Variants in LGI3 observed in about 807,000 individuals in gnomAD.
LGI3 encodes the protein leucine rich repeat LGI family member 3.
LGI3 carries 47 observed loss-of-function variants against 55.4 expected under a neutral mutation model. The ratio of observed to expected loss-of-function variants is 0.85; its 90% CI spans 0.67 to 1.08. The LOEUF (loss-of-function observed/expected upper bound fraction) is 1.08, where lower values mean the gene tolerates loss of function less well. Among genes scored for constraint, LGI3 ranks in the 50% least tolerant of loss-of-function variants. The pLI, the probability that LGI3 is intolerant of heterozygous loss-of-function variation, is 0.00. For missense variants in LGI3, 664 were observed against 726.3 expected, an observed-to-expected ratio of 0.91 and a Z score of 0.99; for synonymous variants, 326 against 315.0, an observed-to-expected ratio of 1.04 and a Z score of -0.37.
Position 22,148,015 on chromosome 8 carries a change from C to A in LGI3, c.*145G>T, listed in dbSNP as rs1262611860. The A allele has an allele frequency of 4.3e-6, 3 of 704,900 alleles. No homozygotes were observed. 43.7% of individuals were successfully genotyped at this position (704,900 alleles called of 1,614,324 possible). On this transcript the variant is annotated 3_prime_UTR_variant, in exon 8 of 8. Transcript: ENST00000306317. This position sits in a 1 kb window ranked among gnomAD's most constrained non-coding sequence, Gnocchi z 7.0. ...TCCTCCTGGGCCAGTCCACGGGGTG[C>A]GCCTGTACACACTGGGCGTGTGCGG...
chr8:22,151,707 T>C, intron 6 of LGI3, 54 bp from the exon 7 acceptor site: 1 of 1,593,864 alleles, frequency 6.3e-7, no homozygotes, highest in Non-Finnish European at 8.6e-7. Flanking sequence ...GAAGGGCTGC[T>C]TGGGTGATGG....
At chr8:22,149,035 A>C (rs1184358678) in intron 7 of LGI3, 58 bp from the exon 8 acceptor site, 16 of 1,307,350 alleles carry the variant, frequency 1.2e-5, no homozygotes, top group Non-Finnish European at 1.7e-5. Flanking sequence ...ACTCCATCCA[A>C]CCCCCTTGGA....
At chr8:22,155,914 C>T (rs1013657175) in intron 1 of LGI3, among the ~76,000 whole-genome samples, 1 of 152,240 alleles carries the variant, frequency 6.6e-6, no homozygotes, top group Non-Finnish European at 1.5e-5. Context: ...TGCCAAGTGG[C>T]TGGTCAGTGG....
At position 22,154,975 on chromosome 8, in the gene LGI3, C is replaced by T. The variant is rs533219081; in HGVS notation, c.279-344G>A. On this transcript the variant is annotated intron_variant, in intron 2 of 7. Transcript: ENST00000306317. Reference sequence around the variant, plus strand: ...ATGGACAACTGTCCCTCATGGACGGCATCTTGTAGGGTTGGAGACACTCCT... The same window carrying T: ...ATGGACAACTGTCCCTCATGGACGGTATCTTGTAGGGTTGGAGACACTCCT... 107 of 416,708 alleles carry T rather than the reference C, an allele frequency of 2.6e-4. 1 individual carries two copies. In the South Asian group the frequency reaches 3.0e-3, roughly 12 times the overall value. 25.8% of individuals were successfully genotyped at this position (416,708 alleles called of 1,614,324 possible). A position where few individuals can be genotyped will look rare whatever the true frequency, so the allele number is the denominator to read the frequency against.
At chr8:22,150,345 C>T (rs1827361005) in intron 7 of LGI3, among the ~76,000 whole-genome samples, 1 of 144,888 alleles carries the variant, frequency 6.9e-6, no homozygotes, top group Admixed American at 7.0e-5. Context: ...TCAGTTTAAG[C>T]CTTCTATTTT....
At chr8:22,153,042 T>C (rs1827400358) in intron 5 of LGI3, among the ~76,000 whole-genome samples, 1 of 146,372 alleles carries the variant, frequency 6.8e-6, no homozygotes, top group East Asian at 2.0e-4. Context: ...AGAGCGAGAC[T>C]CTGTCTAAAA....
At chr8:22,154,270 C>G in intron 3 of LGI3, 57 bp from the exon 4 acceptor site, 1 of 1,411,222 alleles carries the variant, frequency 7.1e-7, no homozygotes, top group African/African-American at 1.4e-5. Context: ...CCCCCAGCAG[C>G]ACTCGCCCTA....
At chr8:22,155,164 T>C (rs1044101400) in intron 2 of LGI3, 1 of 563,820 alleles carries the variant, frequency 1.8e-6, no homozygotes, top group Non-Finnish European at 3.2e-6. Context: ...CGCATCCCAC[T>C]TGCTTGGCTT....
chr8:22,152,108 CA>C (rs1827387584), intron 5 of LGI3, 108 bp from the exon 6 acceptor site: 2 of 851,352 alleles, frequency 2.3e-6, no homozygotes, highest in Non-Finnish European at 1.8e-6. Flanking sequence ...AAGGCTGCTG[CA>C]AGTTGCTCAC....
At position 22,148,186 on chromosome 8, in the gene LGI3, G is replaced by T. The variant is rs573206061; in HGVS notation, c.1621C>A (p.His541Asn). The T allele has an allele frequency of 6.2e-7, 1 of 1,609,940 alleles. No homozygotes were observed. The highest frequency in any genetic ancestry group is 8.5e-7 in the Non-Finnish European group (1 of 1,178,228). Residue 541 changes from histidine (H) to asparagine (N), a missense_variant, in exon 8 of 8, where the codon CAC becomes AAC. Coordinates refer to ENST00000306317, the MANE Select transcript of LGI3 (RefSeq NM_139278.4). This position sits in a 1 kb window ranked among gnomAD's most constrained non-coding sequence, Gnocchi z 7.0. ...SFKGQTLVYR[H>N]IVVDLSA ...TAGGCACTGAGATCCACCACAATGTGTCTATACACCAGCGTCTGTCCCTTG... is the reference window on the plus strand; with the variant it reads ...TAGGCACTGAGATCCACCACAATGTTTCTATACACCAGCGTCTGTCCCTTG...
intron 2 of LGI3, 44 bp from the exon 3 acceptor site, chr8:22,154,675 G>T: frequency 1.4e-6 from 2 of 1,442,792 alleles, no homozygotes; most frequent in Non-Finnish European, 9.8e-7. Flanking sequence ...GGGTGTGCCT[G>T]CTGCCCCAGC....
Position 22,154,198 on chromosome 8 carries a change from A to G in LGI3, c.366T>C (p.Asn122=), listed in dbSNP as rs1029524597. 3 of 1,613,828 alleles carry G rather than the reference A, an allele frequency of 1.9e-6. No individual in the cohort carries two copies. The highest frequency in any genetic ancestry group is 3.3e-5 in the Admixed American group (2 of 60,000). Reference sequence around the variant, plus strand: ...TGAACTTGGATAGTGCCCAGATGTCATTGTTCTCAATGAAGCTGGGGAAAG... The same window carrying G: ...TGAACTTGGATAGTGCCCAGATGTCGTTGTTCTCAATGAAGCTGGGGAAAG... The part of the protein sequence containing the change: ...SHLQYLFIEN[N]DIWALSKFTF... The change falls in exon 4 of 8, where the codon AAT becomes AAC. Residue 122 remains asparagine, a synonymous_variant. Transcript: ENST00000306317.
intron 3 of LGI3, 124 bp downstream of exon 3, chr8:22,154,436 C>A: frequency 1.1e-6 from 1 of 915,844 alleles, no homozygotes; most frequent in Non-Finnish European, 1.8e-6. Context: ...TGCAAGGGCT[C>A]TCGCCTCCCA....
At position 22,151,959 on chromosome 8, in the gene LGI3, T is replaced by C. The variant is rs1452016400; in HGVS notation, c.536A>G (p.Lys179Arg). Reference protein sequence around the residue: ...GNSLNCDCKVKWLVEWLAHTN... With the variant: ...GNSLNCDCKVRWLVEWLAHTN... ...GTGTGCCAGCCACTCCACCAACCAC[T>C]TCACCTTGCAGTCACAGTTGAGTGA... is the stretch of plus-strand genomic sequence containing the variant. The change falls in exon 6 of 8, where the codon AAG (lysine) becomes AGG (arginine). Residue 179 changes from lysine (K) to arginine (R), a missense_variant. Lys to Arg is a conservative substitution (Grantham distance 26, BLOSUM62 2). Coordinates refer to ENST00000306317, the MANE Select transcript of LGI3 (RefSeq NM_139278.4). The C allele has an allele frequency of 6.8e-6, 11 of 1,611,798 alleles. No homozygotes were observed. In the African/African-American group the frequency reaches 1.1e-4, roughly 16 times the overall value.
intron 2 of LGI3, 134 bp from the exon 3 acceptor site, chr8:22,154,765 C>G (rs558533574): frequency 3.0e-6 from 2 of 676,638 alleles, no homozygotes; most frequent in African/African-American, 3.6e-5. Context: ...CATGGGGAAT[C>G]CCTGGGCCAC....
chr8:22,155,631 C>A (rs778077627), intron 1 of LGI3, 168 bp from the exon 2 acceptor site: 23 of 633,324 alleles, frequency 3.6e-5, no homozygotes, highest in Non-Finnish European at 5.7e-5. Flanking sequence ...CCCAAATTCA[C>A]TGCCTGCCTT....
intron 7 of LGI3, 123 bp from the exon 8 acceptor site, chr8:22,149,100 T>G: frequency 1.6e-6 from 1 of 644,816 alleles, no homozygotes; most frequent in Non-Finnish European, 2.6e-6. Context: ...GCTATACCAT[T>G]CCACCCACAC....
Position 22,148,457 on chromosome 8 carries a change from G to A in LGI3, c.1350C>T (p.Arg450=). The stretch of plus-strand genomic sequence containing the variant: ...CCTCCGAGAAGCGGGTACCCTCCCA[G>A]CGCAGGATCTTGGAGTCGCCAATGT... ...SRYIGDSKIL[R]WEGTRFSEVQ... The change falls in exon 8 of 8, where the codon CGC becomes CGT. Residue 450 remains arginine (R), a synonymous_variant. Coordinates refer to ENST00000306317, the MANE Select transcript of LGI3 (RefSeq NM_139278.4). The surrounding 1 kb of genome is among the most constrained non-coding windows in gnomAD (Gnocchi z 7.0). 6.2e-7 allele frequency: 1 copy of A among 1,612,410 alleles called. No homozygotes were observed. The highest frequency in any genetic ancestry group is 1.6e-4 in the Middle Eastern group (1 of 6,062).
At chr8:22,151,703 C>G in intron 6 of LGI3, 50 bp from the exon 7 acceptor site, 1 of 1,595,978 alleles carries the variant, frequency 6.3e-7, no homozygotes. Flanking sequence ...AAGGGAAGGG[C>G]TGCTTGGGTG....
Sources: gnomAD v4.1 joint callset for allele counts (sites outside exome capture counted in the v4.1 genomes callset) on GRCh38, gnomAD v4.1.1 for gene constraint, Gnocchi (gnomAD v3.1) non-coding constraint, MANE v1.5 for transcripts, NCBI Gene and HGNC (gene_info 2026-07-23, HGNC 2026-07-21) for gene names.